PHACTR1: variants seen among roughly 807,000 people sequenced by gnomAD.
PHACTR1 encodes the protein RPEL repeat containing 1.
PHACTR1 carries 16 observed loss-of-function variants against 69.2 expected under a neutral mutation model. The ratio of observed to expected loss-of-function variants is 0.23; its 90% CI spans 0.16 to 0.35. PHACTR1 has a LOEUF of 0.35. Ranked by LOEUF, PHACTR1 falls within the 10% of genes least tolerant of loss-of-function variation. The pLI is 1.00. For synonymous variants in PHACTR1, 312 were observed against 284.5 expected, an observed-to-expected ratio of 1.10 and a Z score of -0.97; for missense variants, 510 against 734.7, an observed-to-expected ratio of 0.69 and a Z score of 3.54.
rs116330892 is a variant in PHACTR1, at chr6:13,121,376, C to T, written c.416-38828C>T. Among the ~76,000 whole-genome samples the T allele has an allele frequency of 3.1e-3, 471 of 152,274 alleles. 2 individuals are homozygous for T. The highest frequency in any genetic ancestry group is 0.011 in the African/African-American group (449 of 41,556). On this transcript the variant is annotated intron_variant, in intron 5 of 14. Coordinates refer to ENST00000332995, the MANE Select transcript of PHACTR1 (RefSeq NM_030948.6). Reference sequence around the variant, plus strand: ...AAAGCTACCCAATCACTTTCTGCCTCAGTTTTCCCCTCTGTAAAATGGTAA... The same window carrying T: ...AAAGCTACCCAATCACTTTCTGCCTTAGTTTTCCCCTCTGTAAAATGGTAA...
At chr6:12,797,788 G>A (rs146482414) in intron 4 of PHACTR1, among the ~76,000 whole-genome samples, 1 of 152,202 alleles carries the variant, frequency 6.6e-6, no homozygotes, top group East Asian at 1.9e-4. Context: ...TGTGCCACCT[G>A]TTCCCTCTAC....
chr6:13,261,208 C>T (rs988544953), intron 10 of PHACTR1, among the ~76,000 whole-genome samples: 3 of 152,176 alleles, frequency 2.0e-5, no homozygotes, highest in African/African-American at 7.2e-5. Flanking sequence ...CAAGAGCAGA[C>T]AGGTGAGAGG....
intron 11 of PHACTR1, chr6:13,274,350 T>C (rs1300536544): frequency 2.6e-5 from 4 of 152,202 alleles, no homozygotes; most frequent in Admixed American, 2.0e-4. Flanking sequence ...TAATATTCTA[T>C]ATAATGAATT....
chr6:13,009,434 A>C (rs1799192792), intron 4 of PHACTR1, among the ~76,000 whole-genome samples: 1 of 152,162 alleles, frequency 6.6e-6, no homozygotes. Flanking sequence ...AAATATGTAT[A>C]GTAATTTCTA....
At chr6:13,260,967 G>GC (rs1775829811) in intron 10 of PHACTR1, among the ~76,000 whole-genome samples, 1 of 152,206 alleles carries the variant, frequency 6.6e-6, no homozygotes, top group Non-Finnish European at 1.5e-5. Flanking sequence ...TGTGGTGGGG[G>GC]CTGTCCCATG....
chr6:13,054,057 A>C (rs1806409540), intron 5 of PHACTR1, among the ~76,000 whole-genome samples: 1 of 152,344 alleles, frequency 6.6e-6, no homozygotes, highest in East Asian at 1.9e-4. Flanking sequence ...AATGGACAGC[A>C]AAGAAATGTG....
chr6:12,868,979 G>A (rs1303809731), intron 4 of PHACTR1, among the ~76,000 whole-genome samples: 1 of 151,962 alleles, frequency 6.6e-6, no homozygotes. Context: ...CCCAGTAGTC[G>A]GTTCCAGGTC....
At chr6:13,166,828 G>A (rs915936540) in intron 6 of PHACTR1, among the ~76,000 whole-genome samples, 3 of 152,118 alleles carry the variant, frequency 2.0e-5, no homozygotes, top group Non-Finnish European at 1.5e-5. Flanking sequence ...AGTCAGCCCT[G>A]TGAAACCCAT....
Position 13,050,307 on chromosome 6 carries a change from G to A in PHACTR1, c.251-3058G>A, listed in dbSNP as rs142940559. ...ACTCTCTTCAGCCATTCCACAACCC[G>A]TACTTAAAACCTTCTGAATCTTTTA... On this transcript the variant is annotated intron_variant, in intron 4 of 14. Transcript: ENST00000332995. Among the ~76,000 whole-genome samples, 284 of 152,144 alleles carry A rather than the reference G, an allele frequency of 1.9e-3. 4 individuals are homozygous for A. The highest frequency in any genetic ancestry group is 6.5e-3 in the African/African-American group (271 of 41,494).
chr6:13,112,224 C>T (rs1007112262), intron 5 of PHACTR1, among the ~76,000 whole-genome samples: 1 of 152,156 alleles, frequency 6.6e-6, no homozygotes, highest in African/African-American at 2.4e-5. Context: ...TGTTTTGTGG[C>T]TGCATAGTAT....
In PHACTR1 at chr6:13,059,458, TCACACACACACA is replaced by T. The variant is rs57652223; in HGVS notation, c.415+5954_415+5965del. On this transcript the variant is annotated intron_variant, in intron 5 of 14. Coordinates refer to ENST00000332995, the MANE Select transcript of PHACTR1 (RefSeq NM_030948.6). ...GTAGATTTTATGTTAAATGTTCTTA[TCACACACACACA>T]CACACACACACACACACACACACAA... 3.2e-3 allele frequency among the ~76,000 whole-genome samples: 469 copies of T among 148,210 alleles called. 12 individuals are homozygous for T. The East Asian group carries it at 0.049, about 16-fold the overall frequency.
chr6:13,019,066 A>T (rs1233997209), intron 4 of PHACTR1, among the ~76,000 whole-genome samples: 49 of 134,658 alleles, frequency 3.6e-4, no homozygotes, highest in Admixed American at 1.3e-3. Flanking sequence ...ATATATATAT[A>T]TATATATATT....
At chr6:12,842,135 C>T (rs1037051983) in intron 4 of PHACTR1, among the ~76,000 whole-genome samples, 4 of 152,012 alleles carry the variant, frequency 2.6e-5, no homozygotes, top group African/African-American at 9.7e-5. Flanking sequence ...GGAAAAAAAT[C>T]TATAAGGAGA....
chr6:13,094,951 G>T (rs1458931536), intron 5 of PHACTR1, among the ~76,000 whole-genome samples: 1 of 152,096 alleles, frequency 6.6e-6, no homozygotes, highest in Admixed American at 6.5e-5. Context: ...AAAGCTAAAT[G>T]AGGTCAAAGC....
intron 10 of PHACTR1, among the ~76,000 whole-genome samples, chr6:13,260,711 T>C (rs1055458005): frequency 6.6e-6 from 1 of 152,168 alleles, no homozygotes; most frequent in Non-Finnish European, 1.5e-5. Flanking sequence ...CTCTGAAGGA[T>C]AGGGCACCCC....
rs368368056 is a variant in PHACTR1 at position 13,041,339 on chromosome 6, T to TACACACACACACACAC, written c.251-12000_251-11985dup. Among the ~76,000 whole-genome samples, 673 of 135,422 alleles carry TACACACACACACACAC rather than the reference T, an allele frequency of 5.0e-3. 8 individuals are homozygous for TACACACACACACACAC. The highest frequency in any genetic ancestry group is 0.016 in the East Asian group (69 of 4,268). The allele number at this position is 135,422 out of a possible 152,430, so 88.8% of individuals were successfully genotyped here. A position where few individuals can be genotyped will look rare whatever the true frequency, so the allele number is the denominator to read the frequency against. On this transcript the variant is annotated intron_variant, in intron 4 of 14. Coordinates refer to ENST00000332995, the MANE Select transcript of PHACTR1 (RefSeq NM_030948.6). The stretch of plus-strand genomic sequence containing the variant: ...AGCCACTGGTGGTAATTAAAATACA[T>TACACACACACACACAC]ACACACACACACACACACACACACA...
intron 4 of PHACTR1, among the ~76,000 whole-genome samples, chr6:12,769,872 G>T (rs1478204956): frequency 6.6e-6 from 1 of 152,192 alleles, no homozygotes; most frequent in East Asian, 1.9e-4. Flanking sequence ...CCCCCAAGTC[G>T]AGCCTTGGCT....
At chr6:12,926,033 A>G (rs1788237294) in intron 4 of PHACTR1, among the ~76,000 whole-genome samples, 1 of 152,046 alleles carries the variant, frequency 6.6e-6, no homozygotes, top group Non-Finnish European at 1.5e-5. Flanking sequence ...TTAAATTCAC[A>G]TGCCATCCCC....
At chr6:13,208,628 C>CCCT (rs200972754) in intron 8 of PHACTR1, among the ~76,000 whole-genome samples, 1,593 of 119,946 alleles carry the variant, frequency 0.013, 25 homozygotes, top group African/African-American at 0.045. Flanking sequence ...GTCATTGCTG[C>CCCT]CCACCCCCCC....
Sources: gnomAD v4.1 joint callset for allele counts (sites outside exome capture counted in the v4.1 genomes callset) on GRCh38, gnomAD v4.1.1 for gene constraint, MANE v1.5 for transcripts, NCBI Gene and HGNC (gene_info 2026-07-23, HGNC 2026-07-21) for gene names.